GRAP: variants seen among roughly 807,000 people sequenced by gnomAD.
The protein encoded by GRAP is GRB2-related adapter protein.
Under a neutral mutation model 9.1 loss-of-function variants are expected in GRAP, and 2 were observed. The observed-to-expected ratio is 0.22, with a 90% CI of 0.09 to 0.69. The LOEUF is 0.69. Ranked by LOEUF, GRAP falls within the 30% of genes least tolerant of loss-of-function variation. The pLI, the probability that GRAP is intolerant of heterozygous loss-of-function variation, is 0.81. For missense variants in GRAP, 113 were observed against 179.4 expected (o/e 0.63, Z 2.12); for synonymous variants, 68 against 73.6 (o/e 0.92, Z 0.39).
At chr17:19,041,324 T>TC (rs910565999) in intron 2 of GRAP, among the ~76,000 whole-genome samples, 1,304 of 147,354 alleles carry the variant, frequency 8.8e-3, no homozygotes, top group African/African-American at 0.029. Flanking sequence ...AATGTCCAAC[T>TC]CCCCCCCAGA....
chr17:19,048,184 A>G (rs1481283251), upstream of GRAP, among the ~76,000 whole-genome samples: 1 of 126,872 alleles, frequency 7.9e-6, no homozygotes, highest in East Asian at 2.7e-4. Context: ...AAAAAAGAGA[A>G]TTGTAAATAA....
chr17:19,027,468 ATGCGCGCGCGCGCG>A (rs1368753354), intron 3 of GRAP, among the ~76,000 whole-genome samples: 1 of 107,918 alleles, frequency 9.3e-6, no homozygotes, highest in African/African-American at 3.9e-5. Flanking sequence ...GATGGGACAC[ATGCGCGCGCGCGCG>A]CGCACACACA....
rs2044272457 is a variant in GRAP at position 19,022,007 on chromosome 17, C to T, written c.606G>A (p.Gly202=). The T allele has an allele frequency of 1.3e-6, 2 of 1,595,334 alleles. No homozygotes were observed. Among genetic ancestry groups the T allele is most frequent in the African/African-American group, 1.4e-5 (1 of 73,960 alleles). Reference sequence around the variant, plus strand: ...AACTCCGTGGGAAGAAGCCAACGCGCCCGCAGGACCGGCCCCGCCACCAGT... The same window carrying T: ...AACTCCGTGGGAAGAAGCCAACGCGTCCGCAGGACCGGCCCCGCCACCAGT... ...DPHWWRGRSC[G]RVGFFPRSYV... Residue 202 remains glycine (G), a synonymous_variant, in exon 5 of 5, where the codon GGG becomes GGA. Coordinates refer to ENST00000284154, the MANE Select transcript of GRAP (RefSeq NM_006613.4).
Position 19,024,936 on chromosome 17 carries a change from C to T in GRAP, c.300-553G>A, listed in dbSNP as rs955863398. ...CTCAGACCTGTTGAATGTCTCACGT[C>T]CTCCCCCTCCCATGAACCTTCCGTG... is the stretch of plus-strand genomic sequence containing the variant. On this transcript the variant is annotated intron_variant, in intron 3 of 4. Transcript: ENST00000284154. The surrounding 1 kb of genome is among the most constrained non-coding windows in gnomAD (Gnocchi z 4.2). 1.1e-4 allele frequency among the ~76,000 whole-genome samples: 16 copies of T among 152,178 alleles called. No homozygotes were observed. Among genetic ancestry groups the T allele is most frequent in the African/African-American group, 3.6e-4 (15 of 41,448 alleles).
chr17:19,031,882 G>C (rs1349765115), intron 3 of GRAP: 5 of 151,786 alleles, frequency 3.3e-5, no homozygotes, highest in Non-Finnish European at 1.5e-5. Context: ...CCAGGAGCCT[G>C]GGCCCAGGCA....
At chr17:19,022,974 G>A (rs935539988) in intron 4 of GRAP, among the ~76,000 whole-genome samples, 3 of 152,214 alleles carry the variant, frequency 2.0e-5, no homozygotes, top group Non-Finnish European at 4.4e-5. Flanking sequence ...CCCACGGCCC[G>A]GGCCAGAGCG....
At chr17:19,043,875 GT>G (rs1462514317) in intron 1 of GRAP, among the ~76,000 whole-genome samples, 3 of 150,670 alleles carry the variant, frequency 2.0e-5, no homozygotes, top group African/African-American at 7.3e-5. Flanking sequence ...TCCCTGCTTC[GT>G]TTTGTCTCCT....
chr17:19,024,181 A>G lies in GRAP; in HGVS notation c.468+34T>C, dbSNP rs1170151047. 3.3e-5 allele frequency: 51 copies of G among 1,551,944 alleles called. No individual in the cohort carries two copies. The highest frequency in any genetic ancestry group is 4.3e-5 in the Non-Finnish European group (49 of 1,145,678). ...GCTGCAGATGGCAGGAGGTGCAGAG[A>G]GGCTCCCACAGGCCAGCCCCCACCC... On this transcript the variant is annotated intron_variant, in intron 4 of 4. Transcript: ENST00000284154. This position sits in a 1 kb window ranked among gnomAD's most constrained non-coding sequence, Gnocchi z 4.2.
chr17:19,027,482 GCGCACACACACACACACA>G (rs2044317608), intron 3 of GRAP, among the ~76,000 whole-genome samples: 4 of 115,986 alleles, frequency 3.4e-5, no homozygotes, highest in Non-Finnish European at 6.8e-5. Context: ...GCGCGCGCGC[GCGCACACACACACACACA>G]CACACACACA....
At chr17:19,023,646 C>A (rs1336530496) in intron 4 of GRAP, among the ~76,000 whole-genome samples, 2 of 128,506 alleles carry the variant, frequency 1.6e-5, no homozygotes, top group African/African-American at 5.8e-5. Flanking sequence ...CCACCCCCCA[C>A]CCCCCACCCC....
At position 19,022,072 on chromosome 17, in the gene GRAP, G is replaced by A. The variant is rs2044273757; in HGVS notation, c.541C>T (p.Arg181Cys). ...TCCAGGACCTCAATGATGTCGCCAC[G>A]GCGGAAGCTGAGCTGCGAGGGGTCC... Reference protein sequence around the residue: ...AQDPSQLSFRRGDIIEVLERP... With the variant: ...AQDPSQLSFRCGDIIEVLERP... Residue 181 changes from arginine (R) to cysteine (C), a missense_variant, in exon 5 of 5, where the codon CGT (arginine) becomes TGT (cysteine). Transcript: ENST00000284154. 3.1e-6 allele frequency: 5 copies of A among 1,592,102 alleles called. No individual in the cohort carries two copies. Among genetic ancestry groups the A allele is most frequent in the Non-Finnish European group, 4.3e-6 (5 of 1,170,162 alleles).
chr17:19,025,493 C>T (rs555823263), intron 3 of GRAP, among the ~76,000 whole-genome samples: 5 of 139,130 alleles, frequency 3.6e-5, no homozygotes, highest in African/African-American at 8.1e-5. Context: ...CGCCCAGCCA[C>T]GGATTTTTCT....
In GRAP at chr17:19,024,430, CTGGCA is replaced by C; in HGVS notation, c.300-52_300-48del. 2 of 1,588,176 alleles carry C rather than the reference CTGGCA, an allele frequency of 1.3e-6. No individual in the cohort carries two copies. The highest frequency in any genetic ancestry group is 1.7e-6 in the Non-Finnish European group (2 of 1,166,030). ...CACCTCAGGTGGTGGCCGTCCCAGC[CTGGCA>C]TGGTCCCAGGGGCTCCCGTCTCACT... On this transcript the variant is annotated intron_variant, in intron 3 of 4. Transcript: ENST00000284154. The surrounding 1 kb of genome is among the most constrained non-coding windows in gnomAD (Gnocchi z 4.2).
intron 4 of GRAP, 176 bp from the exon 5 acceptor site, chr17:19,022,320 A>G (rs1350612165): frequency 6.4e-6 from 3 of 470,876 alleles, no homozygotes; most frequent in East Asian, 7.0e-5. Flanking sequence ...CCTGCTGCCC[A>G]CACCCCTGCC....
At chr17:19,025,348 C>T (rs573476850) in intron 3 of GRAP, among the ~76,000 whole-genome samples, 15 of 150,896 alleles carry the variant, frequency 9.9e-5, no homozygotes, top group South Asian at 2.1e-4. Context: ...CCCGCCACCA[C>T]GCCCGGCTAA....
chr17:19,022,903 G>A (rs1283037243), intron 4 of GRAP, among the ~76,000 whole-genome samples: 1 of 152,216 alleles, frequency 6.6e-6, no homozygotes, highest in Non-Finnish European at 1.5e-5. Context: ...CAGGAAGGAG[G>A]AGGCGTCATA....
chr17:19,027,450 G>T (rs2044315540), intron 3 of GRAP, among the ~76,000 whole-genome samples: 1 of 142,910 alleles, frequency 7.0e-6, no homozygotes, highest in Admixed American at 7.4e-5. Context: ...CAAAGCACTT[G>T]ATGCCTTGAT....
At chr17:19,043,584 G>A (rs1252673357) in intron 1 of GRAP, among the ~76,000 whole-genome samples, 1 of 151,950 alleles carries the variant, frequency 6.6e-6, no homozygotes, top group African/African-American at 2.4e-5. Flanking sequence ...AGCCGAGATC[G>A]CGCCATTGCA....
intron 4 of GRAP, among the ~76,000 whole-genome samples, chr17:19,023,625 A>C (rs2044289892): frequency 7.4e-6 from 1 of 135,180 alleles, no homozygotes; most frequent in Non-Finnish European, 1.6e-5. Context: ...GGGGTGGATG[A>C]CCCCGACCCC....
Sources: gnomAD v4.1 joint callset for allele counts (sites outside exome capture counted in the v4.1 genomes callset) on GRCh38, gnomAD v4.1.1 for gene constraint, Gnocchi (gnomAD v3.1) non-coding constraint, MANE v1.5 for transcripts, NCBI Gene and HGNC (gene_info 2026-07-23, HGNC 2026-07-21) for gene names.